EFCAB6: variants seen among roughly 807,000 people sequenced by gnomAD.
EFCAB6 encodes EF-hand calcium-binding domain-containing protein 6.
EFCAB6 carries 156 observed loss-of-function variants against 169.8 expected under a neutral mutation model. The ratio of observed to expected loss-of-function variants is 0.92; its 90% CI spans 0.81 to 1.05. The LOEUF (loss-of-function observed/expected upper bound fraction) is 1.05, where lower values mean the gene tolerates loss of function less well. EFCAB6 is among the 50% of genes least tolerant of loss of function. The pLI is 0.00. For synonymous variants in EFCAB6, 698 were observed against 676.4 expected (o/e 1.03, Z -0.50); for missense variants, 1,800 against 1,829.1 (o/e 0.98, Z 0.29).
At chr22:43,751,065 A>T (rs2060740490) in intron 6 of EFCAB6, among the ~76,000 whole-genome samples, 1 of 152,198 alleles carries the variant, frequency 6.6e-6, no homozygotes. Context: ...TTTTCTTCTG[A>T]GAGCTCCCTG....
intron 10 of EFCAB6, among the ~76,000 whole-genome samples, chr22:43,708,446 A>G (rs2059037943): frequency 6.6e-6 from 1 of 152,102 alleles, no homozygotes. Context: ...ACGAGGAATA[A>G]AGAAAAAAAG....
At chr22:43,583,780 T>G (rs999640541) in intron 24 of EFCAB6, among the ~76,000 whole-genome samples, 1 of 152,190 alleles carries the variant, frequency 6.6e-6, no homozygotes, top group Non-Finnish European at 1.5e-5. Flanking sequence ...ATATTAAATC[T>G]GCTGGTACCT....
intron 10 of EFCAB6, among the ~76,000 whole-genome samples, chr22:43,703,705 A>G (rs1001620897): frequency 2.6e-5 from 4 of 151,522 alleles, no homozygotes; most frequent in Non-Finnish European, 4.4e-5. Context: ...GAAGAATACA[A>G]TAACTGAACT....
chr22:43,790,342 G>A (rs1011802953), intron 2 of EFCAB6, among the ~76,000 whole-genome samples: 1 of 152,198 alleles, frequency 6.6e-6, no homozygotes. Context: ...CTTGGTTTGT[G>A]TTCACACAGT....
chr22:43,750,632 T>C (rs1159577858), intron 6 of EFCAB6, among the ~76,000 whole-genome samples: 3 of 152,018 alleles, frequency 2.0e-5, no homozygotes, highest in Non-Finnish European at 2.9e-5. Flanking sequence ...CATTTTGAGC[T>C]TGACACAGCC....
chr22:43,730,811 G>A (rs1026854030), intron 8 of EFCAB6, among the ~76,000 whole-genome samples: 2 of 152,144 alleles, frequency 1.3e-5, no homozygotes, highest in Non-Finnish European at 1.5e-5. Context: ...AGGAGGCTTC[G>A]AAAACTAGAG....
chr22:43,734,332 C>A (rs1459774650), intron 7 of EFCAB6, among the ~76,000 whole-genome samples: 1 of 152,172 alleles, frequency 6.6e-6, no homozygotes, highest in East Asian at 1.9e-4. Flanking sequence ...TACTTTTGAT[C>A]TTCTGTGTTT....
chr22:43,778,933 CTT>C (rs1036758251), intron 3 of EFCAB6, among the ~76,000 whole-genome samples: 3 of 151,322 alleles, frequency 2.0e-5, no homozygotes, highest in Non-Finnish European at 4.4e-5. Flanking sequence ...GAAAAGGTAA[CTT>C]AATCCAGGTA....
intron 10 of EFCAB6, among the ~76,000 whole-genome samples, chr22:43,710,514 A>G (rs1453095743): frequency 6.6e-6 from 1 of 152,234 alleles, no homozygotes; most frequent in African/African-American, 2.4e-5. Flanking sequence ...ATTATTTTGC[A>G]AAGTAGGAAA....
At chr22:43,589,526 G>A (rs1450481410) in intron 24 of EFCAB6, among the ~76,000 whole-genome samples, 8 of 152,124 alleles carry the variant, frequency 5.3e-5, no homozygotes, top group South Asian at 2.1e-4. Flanking sequence ...AGTGGCTCAC[G>A]CCTATAATCC....
chr22:43,717,519 A>G (rs1316924177), intron 8 of EFCAB6, among the ~76,000 whole-genome samples: 3 of 152,178 alleles, frequency 2.0e-5, no homozygotes, highest in Admixed American at 2.0e-4. Flanking sequence ...CATCCAATAG[A>G]ACAGTAGACT....
intron 27 of EFCAB6, among the ~76,000 whole-genome samples, chr22:43,550,671 CAAAA>C (rs955666013): frequency 2.7e-5 from 2 of 73,996 alleles, no homozygotes; most frequent in Admixed American, 1.6e-4. Context: ...GACTCTGTCT[CAAAA>C]AAAAAAAAAA....
intron 19 of EFCAB6, 98 bp from the exon 20 acceptor site, chr22:43,626,777 G>A: frequency 5.4e-6 from 6 of 1,111,922 alleles, no homozygotes; most frequent in Middle Eastern, 2.7e-4. Flanking sequence ...CACGCGAGGA[G>A]GGGCAGCTTG....
chr22:43,567,450 G>A (rs2049520533), intron 26 of EFCAB6, among the ~76,000 whole-genome samples: 1 of 152,112 alleles, frequency 6.6e-6, no homozygotes, highest in South Asian at 2.1e-4. Context: ...TGCACTCACC[G>A]AAATAGGATA....
intron 27 of EFCAB6, among the ~76,000 whole-genome samples, chr22:43,543,509 A>G (rs2047868932): frequency 6.6e-6 from 1 of 152,218 alleles, no homozygotes; most frequent in African/African-American, 2.4e-5. Flanking sequence ...GACAGGGGTA[A>G]GAACCCCTCC....
chr22:43,638,378 C>T (rs1317003896), intron 17 of EFCAB6, among the ~76,000 whole-genome samples: 1 of 152,198 alleles, frequency 6.6e-6, no homozygotes. Flanking sequence ...CAAAGACTGA[C>T]AAACTATGGT....
In EFCAB6 at chr22:43,801,162, G is replaced by A. The variant is rs577069906; in HGVS notation, c.-8+7833C>T. On this transcript the variant is annotated intron_variant, in intron 2 of 31. Transcript: ENST00000262726. The stretch of plus-strand genomic sequence containing the variant: ...TAACAGAAATCATATAGCCAGGAGG[G>A]AAGGGAACAAATTTTCAAAGTTCTA... 5.3e-5 allele frequency among the ~76,000 whole-genome samples: 8 copies of A among 152,284 alleles called. No individual in the cohort carries two copies. In the South Asian group the frequency reaches 1.5e-3, roughly 28 times the overall value.
chr22:43,683,188 C>T (rs16990915), intron 12 of EFCAB6, among the ~76,000 whole-genome samples: 6,254 of 152,214 alleles, frequency 0.041, 162 homozygotes, highest in South Asian at 0.059. Flanking sequence ...AATGTTGCTG[C>T]GTATCAAAAG....
Position 43,711,500 on chromosome 22 carries a change from T to C in EFCAB6, c.1006A>G (p.Arg336Gly), listed in dbSNP as rs2059158704. The C allele has an allele frequency of 1.3e-6, 2 of 1,583,576 alleles. No individual in the cohort carries two copies. Among genetic ancestry groups the C allele is most frequent in the African/African-American group, 2.7e-5 (2 of 72,754 alleles). The change falls in exon 10 of 32, where the codon AGA becomes GGA. Residue 336 changes from arginine to glycine, a missense_variant. Coordinates refer to ENST00000262726, the MANE Select transcript of EFCAB6 (RefSeq NM_022785.4). Reference protein sequence around the residue: ...LDTFVYQIPRRIFIQLMKRFG... With the variant: ...LDTFVYQIPRGIFIQLMKRFG... ...CTTTTCATTAACTGGATAAAAATTCTTCTTGGTATTTGGTATACAAAAGTG... is the reference window on the plus strand; with the variant it reads ...CTTTTCATTAACTGGATAAAAATTCCTCTTGGTATTTGGTATACAAAAGTG...
Sources: allele counts gnomAD v4.1 joint callset (sites outside exome capture counted in the v4.1 genomes callset), GRCh38; gene constraint gnomAD v4.1.1; transcripts MANE v1.5; gene names NCBI Gene and HGNC (gene_info 2026-07-23, HGNC 2026-07-21).